The following UTRN variants were observed in gnomAD, a reference collection of about 807,000 sequenced individuals.
The protein encoded by UTRN is dystrophin-related protein 1.
Under a neutral mutation model 463.9 loss-of-function variants are expected in UTRN, and 283 were observed. That is an observed-to-expected ratio of 0.61 (90% confidence interval 0.55 to 0.67). The LOEUF (loss-of-function observed/expected upper bound fraction) is 0.67. Among genes scored for constraint, UTRN ranks in the 30% least tolerant of loss-of-function variants. The pLI, the probability that UTRN is intolerant of heterozygous loss-of-function variation, is 0.00. For missense variants in UTRN, 3,922 were observed against 4,084.3 expected, an observed-to-expected ratio of 0.96 and a Z score of 1.08; for synonymous variants, 1,442 against 1,431.5, an observed-to-expected ratio of 1.01 and a Z score of -0.17.
intron 53 of UTRN, among the ~76,000 whole-genome samples, chr6:144,720,033 C>A (rs991221389): frequency 1.3e-5 from 2 of 152,210 alleles, no homozygotes; most frequent in Non-Finnish European, 2.9e-5. Flanking sequence ...GTCCATATGA[C>A]CAACTGCTAG....
intron 2 of UTRN, among the ~76,000 whole-genome samples, chr6:144,328,824 C>G (rs1268422348): frequency 6.6e-6 from 1 of 151,958 alleles, no homozygotes; most frequent in East Asian, 1.9e-4. Flanking sequence ...CACTCTGTTG[C>G]CCAGCCTGGA....
chr6:144,476,192 A>C (rs114149314), intron 25 of UTRN, among the ~76,000 whole-genome samples: 2,685 of 150,576 alleles, frequency 0.018, 52 homozygotes, highest in African/African-American at 0.046. Flanking sequence ...GACCTCAAGC[A>C]ATCCTCCTGC....
intron 3 of UTRN, among the ~76,000 whole-genome samples, chr6:144,408,966 G>T (rs1369327254): frequency 2.6e-5 from 4 of 152,072 alleles, no homozygotes; most frequent in Non-Finnish European, 5.9e-5. Flanking sequence ...TTACACATTG[G>T]GTCTGCCATT....
chr6:144,748,368 A>G lies in UTRN; in HGVS notation c.8062A>G (p.Lys2688Glu), dbSNP rs1342999748. ...TAGCAATTGGCAAAAGCAAGTGGAC[A>G]AGGCATTGGAGAAACTCAGAGACCT... ...VTSNWQKQVD[K>E]ALEKLRDLQG... The change falls in exon 55 of 75, where the codon AAG (lysine) becomes GAG (glutamate). Residue 2688 changes from lysine (K) to glutamate (E), a missense_variant. Lys to Glu is a moderately conservative substitution (Grantham distance 56). Coordinates refer to ENST00000367545, the MANE Select transcript of UTRN (RefSeq NM_007124.3). 1.9e-6 allele frequency: 3 copies of G among 1,613,802 alleles called. No individual in the cohort carries two copies. The highest frequency in any genetic ancestry group is 1.7e-5 in the Admixed American group (1 of 59,982).
chr6:144,803,665 G>C (rs1777896734), intron 65 of UTRN, among the ~76,000 whole-genome samples: 1 of 150,938 alleles, frequency 6.6e-6, no homozygotes, highest in African/African-American at 2.4e-5. Context: ...ATTTTTTTTA[G>C]TCACAAAATT....
At chr6:144,686,080 G>T (rs9376839) in intron 52 of UTRN, among the ~76,000 whole-genome samples, 2 of 152,018 alleles carry the variant, frequency 1.3e-5, no homozygotes, top group Non-Finnish European at 2.9e-5. Context: ...TGTATATAGT[G>T]AGAAATAGGA....
intron 54 of UTRN, among the ~76,000 whole-genome samples, chr6:144,733,349 T>C (rs1452423115): frequency 6.6e-6 from 1 of 152,042 alleles, no homozygotes; most frequent in Non-Finnish European, 1.5e-5. Context: ...AAACCCCGTC[T>C]CTACTAAAAT....
At chr6:144,717,627 CTTTTTTCTTTTTTTTTT>C (rs1786628260) in intron 53 of UTRN, among the ~76,000 whole-genome samples, 1 of 112,682 alleles carries the variant, frequency 8.9e-6, no homozygotes, top group East Asian at 3.9e-4. Flanking sequence ...TTTTTCTTTT[CTTTTTTCTTTTTTTTTT>C]TTTTTTTTTG....
At chr6:144,462,067 C>T (rs1373199916) in intron 22 of UTRN, among the ~76,000 whole-genome samples, 1 of 152,134 alleles carries the variant, frequency 6.6e-6, no homozygotes. Flanking sequence ...CACCATGCCC[C>T]ACCCTCCAAC....
intron 66 of UTRN, 133 bp downstream of exon 66, chr6:144,821,151 T>G: frequency 2.6e-6 from 3 of 1,136,500 alleles, no homozygotes; most frequent in Non-Finnish European, 3.6e-6. Context: ...TTGGAATCAG[T>G]CTTCACAACA....
Position 144,461,344 on chromosome 6 carries a change from T to C in UTRN, c.2853+2T>C, listed in dbSNP as rs866689189. On this transcript the variant is annotated splice_donor_variant, in intron 22 of 74. Coordinates refer to ENST00000367545, the MANE Select transcript of UTRN (RefSeq NM_007124.3). LOFTEE classifies it high-confidence loss of function. ...GAGAAGGCCCTGCAAGAAAAAAAGGTAACATATATCTTCCATGTTAGAACT... is the reference window on the plus strand; with the variant it reads ...GAGAAGGCCCTGCAAGAAAAAAAGGCAACATATATCTTCCATGTTAGAACT... The C allele has an allele frequency of 6.4e-7, 1 of 1,558,174 alleles. No homozygotes were observed. The highest frequency in any genetic ancestry group is 1.2e-5 in the South Asian group (1 of 80,124).
At chr6:144,478,683 G>T (rs1002225504) in intron 25 of UTRN, among the ~76,000 whole-genome samples, 1 of 152,160 alleles carries the variant, frequency 6.6e-6, no homozygotes, top group African/African-American at 2.4e-5. Context: ...TCCTGTGCTG[G>T]CCTTTGGTTA....
rs1781351255 is a variant in UTRN at position 144,839,214 on chromosome 6, T to G, written c.10107T>G (p.Ala3369=). ...DSRINGVSPW[A]SPQHSALSYS... ...GAATCAATGGTGTTTCCCCATGGGC[T>G]TCTCCTCAGCATTCTGCACTGAGCT... The change falls in exon 72 of 75, where the codon GCT becomes GCG. Residue 3369 remains alanine, a synonymous_variant. Transcript: ENST00000367545. 1.2e-6 allele frequency: 2 copies of G among 1,614,126 alleles called. No homozygotes were observed. Among genetic ancestry groups the G allele is most frequent in the Non-Finnish European group, 1.7e-6 (2 of 1,179,976 alleles).
At chr6:144,349,198 C>T (rs1196818649) in intron 2 of UTRN, among the ~76,000 whole-genome samples, 2 of 152,116 alleles carry the variant, frequency 1.3e-5, no homozygotes, top group Admixed American at 6.5e-5. Context: ...TTAGTAGAGA[C>T]GGGGTTTCCC....
At chr6:144,320,336 GCT>G (rs1197116072) in intron 2 of UTRN, among the ~76,000 whole-genome samples, 1 of 152,032 alleles carries the variant, frequency 6.6e-6, no homozygotes, top group Non-Finnish European at 1.5e-5. Flanking sequence ...CTTCATTCCT[GCT>G]CTCTCTTTCC....
At chr6:144,781,584 T>C (rs1032469781) in intron 60 of UTRN, among the ~76,000 whole-genome samples, 1 of 151,966 alleles carries the variant, frequency 6.6e-6, no homozygotes, top group Admixed American at 6.6e-5. Flanking sequence ...TTGGAGTAGA[T>C]TGAGAGATTT....
chr6:144,789,327 G>T (rs760657202), intron 62 of UTRN, 48 bp downstream of exon 62: 5 of 1,402,034 alleles, frequency 3.6e-6, no homozygotes, highest in Non-Finnish European at 4.9e-6. Context: ...TAATAATAAT[G>T]ATTATAACAA....
intron 50 of UTRN, among the ~76,000 whole-genome samples, chr6:144,559,181 G>A (rs1440785535): frequency 6.6e-6 from 1 of 151,690 alleles, no homozygotes; most frequent in Non-Finnish European, 1.5e-5. Flanking sequence ...AGATGGAAGA[G>A]GCAATTAAAA....
intron 51 of UTRN, among the ~76,000 whole-genome samples, chr6:144,604,238 T>G (rs1441029804): frequency 6.6e-6 from 1 of 152,166 alleles, no homozygotes; most frequent in Non-Finnish European, 1.5e-5. Context: ...TATGCTGTAG[T>G]TATACTCCGT....
Sources: allele counts gnomAD v4.1 joint callset (sites outside exome capture counted in the v4.1 genomes callset), GRCh38; gene constraint gnomAD v4.1.1; transcripts MANE v1.5; gene names NCBI Gene and HGNC (gene_info 2026-07-23, HGNC 2026-07-21).